LRP1B: variants seen among roughly 807,000 people sequenced by gnomAD.
LRP1B encodes LDL receptor related protein 1B.
A neutral mutation model predicts 556.6 loss-of-function variants in LRP1B; 217 were observed. That is an observed-to-expected ratio of 0.39 (90% CI 0.35 to 0.44). LRP1B has a LOEUF of 0.44. Ranked by LOEUF, LRP1B falls within the 20% of genes least tolerant of loss-of-function variation. The probability of loss-of-function intolerance (pLI) is 1.00; values close to 1 mark genes in which losing one functional copy is unlikely to be tolerated. For missense variants in LRP1B, 5,053 were observed against 5,620.8 expected (o/e 0.90, Z 3.23); for synonymous variants, 2,047 against 1,865.8 (o/e 1.10, Z -2.50).
intron 3 of LRP1B, among the ~76,000 whole-genome samples, chr2:141,423,290 CTTTTTTTT>C (rs1176569388): frequency 1.5e-5 from 1 of 68,384 alleles, no homozygotes; most frequent in Admixed American, 1.7e-4. Context: ...ACAGCCAGAG[CTTTTTTTT>C]TTTTTTTTTT....
Position 142,014,474 on chromosome 2 carries a change from G to A in LRP1B, c.82+116174C>T, listed in dbSNP as rs559594703. Among the ~76,000 whole-genome samples the A allele has an allele frequency of 2.0e-4, 30 of 152,264 alleles. No individual in the cohort carries two copies. In the South Asian group the frequency reaches 5.2e-3, roughly 26 times the overall value. ...CTTTAGAGTCAATTTCATAAAAAGA[G>A]TAGTTGAAACTTTGAGAGTGAGTAC... On this transcript the variant is annotated intron_variant, in intron 1 of 90. Coordinates refer to ENST00000389484, the MANE Select transcript of LRP1B (RefSeq NM_018557.3).
intron 77 of LRP1B, among the ~76,000 whole-genome samples, chr2:140,343,591 G>T (rs1310686429): frequency 6.6e-6 from 1 of 151,600 alleles, no homozygotes; most frequent in Non-Finnish European, 1.5e-5. Flanking sequence ...GACACGGTAA[G>T]GTCTCAAAAC....
At chr2:140,646,322 G>A (rs1684483267) in intron 41 of LRP1B, among the ~76,000 whole-genome samples, 1 of 152,166 alleles carries the variant, frequency 6.6e-6, no homozygotes, top group East Asian at 1.9e-4. Context: ...CCGCATGTTT[G>A]AACATTAAAG....
At chr2:140,916,300 T>A (rs150886868) in intron 21 of LRP1B, among the ~76,000 whole-genome samples, 2 of 152,312 alleles carry the variant, frequency 1.3e-5, no homozygotes, top group African/African-American at 4.8e-5. Flanking sequence ...TTGGTTCTAA[T>A]AATCCAGATT....
chr2:141,846,801 A>G (rs77878442), intron 1 of LRP1B, among the ~76,000 whole-genome samples: 2,177 of 151,628 alleles, frequency 0.014, 54 homozygotes, highest in African/African-American at 0.049. Context: ...AATAAAAAAA[A>G]TAAAAGCTTT....
At chr2:140,331,102 T>C (rs1680786295) in intron 79 of LRP1B, among the ~76,000 whole-genome samples, 1 of 152,144 alleles carries the variant, frequency 6.6e-6, no homozygotes. Flanking sequence ...AATAATTCTA[T>C]TGTAAAGATA....
At chr2:140,585,851 G>A (rs1474810585) in intron 43 of LRP1B, among the ~76,000 whole-genome samples, 1 of 151,814 alleles carries the variant, frequency 6.6e-6, no homozygotes, top group East Asian at 1.9e-4. Flanking sequence ...TTTCCCTTAG[G>A]TGGAAAATCA....
At chr2:140,747,495 T>C (rs189915733) in intron 35 of LRP1B, among the ~76,000 whole-genome samples, 1 of 152,252 alleles carries the variant, frequency 6.6e-6, no homozygotes, top group East Asian at 1.9e-4. Flanking sequence ...AAAATGCACA[T>C]AGCACACCAT....
At chr2:140,264,957 C>T (rs963474254) in intron 86 of LRP1B, among the ~76,000 whole-genome samples, 40 of 134,658 alleles carry the variant, frequency 3.0e-4, no homozygotes, top group Admixed American at 2.9e-3. Context: ...CTGTGTTATG[C>T]AGTGAGTATA....
intron 7 of LRP1B, among the ~76,000 whole-genome samples, chr2:141,103,931 G>T (rs564591326): frequency 6.6e-6 from 1 of 151,848 alleles, no homozygotes; most frequent in Non-Finnish European, 1.5e-5. Flanking sequence ...TGACACAAAG[G>T]CGTCAATTCT....
At chr2:140,270,467 TA>T in intron 85 of LRP1B, 121 bp from the exon 86 acceptor site, 1 of 620,710 alleles carries the variant, frequency 1.6e-6, no homozygotes. Flanking sequence ...AGTGGCTGGT[TA>T]AAAGGAAGTT....
At chr2:141,161,091 CAATAA>C (rs1270336319) in intron 7 of LRP1B, among the ~76,000 whole-genome samples, 2 of 151,988 alleles carry the variant, frequency 1.3e-5, no homozygotes, top group Non-Finnish European at 2.9e-5. Flanking sequence ...GGATTAAGTA[CAATAA>C]AATAGGAGAT....
At chr2:141,882,563 T>C (rs1195746219) in intron 1 of LRP1B, among the ~76,000 whole-genome samples, 1 of 152,186 alleles carries the variant, frequency 6.6e-6, no homozygotes, top group African/African-American at 2.4e-5. Flanking sequence ...CTCATGGTTA[T>C]ACCAAGCACC....
At chr2:141,799,739 TA>T (rs1047553677) in intron 2 of LRP1B, among the ~76,000 whole-genome samples, 4 of 151,812 alleles carry the variant, frequency 2.6e-5, no homozygotes, top group African/African-American at 7.3e-5. Flanking sequence ...TACACAAAAA[TA>T]AAAAAACTGA....
At chr2:141,893,037 G>A (rs1699338819) in intron 1 of LRP1B, among the ~76,000 whole-genome samples, 1 of 151,922 alleles carries the variant, frequency 6.6e-6, no homozygotes, top group Non-Finnish European at 1.5e-5. Flanking sequence ...TACTGTACTG[G>A]ACACAATCTC....
intron 41 of LRP1B, among the ~76,000 whole-genome samples, chr2:140,633,969 T>C (rs982782506): frequency 4.6e-5 from 7 of 152,048 alleles, no homozygotes; most frequent in Non-Finnish European, 8.8e-5. Flanking sequence ...CTTAAACTAA[T>C]ACCAAAACTG....
At chr2:141,994,464 TC>T (rs1416108072) in intron 1 of LRP1B, among the ~76,000 whole-genome samples, 1 of 152,212 alleles carries the variant, frequency 6.6e-6, no homozygotes, top group Admixed American at 6.5e-5. Context: ...CAAAATATTT[TC>T]ATGCATTATT....
intron 1 of LRP1B, among the ~76,000 whole-genome samples, chr2:141,849,235 G>A (rs947812073): frequency 2.6e-5 from 4 of 151,118 alleles, no homozygotes; most frequent in East Asian, 1.9e-4. Flanking sequence ...GATTCTCTTG[G>A]GTTTTCTTGG....
chr2:142,104,140 G>A (rs1417142730), intron 1 of LRP1B, among the ~76,000 whole-genome samples: 1 of 152,102 alleles, frequency 6.6e-6, no homozygotes, highest in African/African-American at 2.4e-5. Flanking sequence ...CCTTAGTGGT[G>A]CGGAAGAGGG....
Sources: allele counts gnomAD v4.1 joint callset (sites outside exome capture counted in the v4.1 genomes callset), GRCh38; gene constraint gnomAD v4.1.1; transcripts MANE v1.5; gene names NCBI Gene and HGNC (gene_info 2026-07-23, HGNC 2026-07-21).